The following RBMS3 variants were observed in gnomAD, a reference collection of about 807,000 sequenced individuals.
RBMS3 encodes the protein RNA binding motif single stranded interacting protein 3.
In RBMS3, 27 loss-of-function variants were observed where a neutral mutation model predicts 66.8. The observed-to-expected ratio is 0.40, with a 90% CI of 0.30 to 0.56. RBMS3 has a LOEUF of 0.56. Among genes scored for constraint, RBMS3 ranks in the 20% least tolerant of loss-of-function variants. The pLI, the probability that RBMS3 is intolerant of heterozygous loss-of-function variation, is 0.40. For missense variants in RBMS3, 513 were observed against 549.5 expected (o/e 0.93, Z 0.66); for synonymous variants, 188 against 183.0 (o/e 1.03, Z -0.22).
At chr3:29,966,451 A>ATT (rs975704062) in intron 12 of RBMS3, among the ~76,000 whole-genome samples, 1 of 151,618 alleles carries the variant, frequency 6.6e-6, no homozygotes, top group African/African-American at 2.4e-5. Flanking sequence ...ATTCCTAAGT[A>ATT]TTTTTTTTCA....
chr3:29,814,479 G>A (rs2057820533), intron 6 of RBMS3, among the ~76,000 whole-genome samples: 1 of 152,240 alleles, frequency 6.6e-6, no homozygotes, highest in South Asian at 2.1e-4. Context: ...TTGGTATCAG[G>A]ATGATGCTGG....
At chr3:29,454,080 C>T (rs1367627314) in intron 2 of RBMS3, among the ~76,000 whole-genome samples, 3 of 152,200 alleles carry the variant, frequency 2.0e-5, no homozygotes, top group Non-Finnish European at 4.4e-5. Context: ...GGCATTTCAA[C>T]TCCCTTTTTC....
At chr3:29,482,731 G>A (rs1176880004) in intron 2 of RBMS3, among the ~76,000 whole-genome samples, 2 of 81,664 alleles carry the variant, frequency 2.4e-5, no homozygotes, top group African/African-American at 5.0e-5. Flanking sequence ...TTTTTGAGAC[G>A]GAGTGTCGCT....
At chr3:29,709,371 T>G (rs2053054713) in intron 4 of RBMS3, among the ~76,000 whole-genome samples, 2 of 152,174 alleles carry the variant, frequency 1.3e-5, no homozygotes, top group Admixed American at 6.5e-5. Context: ...CGTGAATGAG[T>G]CTAAGAAAAG....
intron 1 of RBMS3, among the ~76,000 whole-genome samples, chr3:29,351,775 A>G (rs115546906): frequency 6.6e-6 from 1 of 152,130 alleles, no homozygotes; most frequent in African/African-American, 2.4e-5. Flanking sequence ...TTTGATGTCT[A>G]CTTAAACACC....
intron 6 of RBMS3, among the ~76,000 whole-genome samples, chr3:29,807,518 T>A (rs2057594715): frequency 6.6e-6 from 1 of 151,926 alleles, no homozygotes; most frequent in Admixed American, 6.6e-5. Flanking sequence ...CAGATATTTG[T>A]ACAAAGATAT....
At chr3:29,947,127 A>G (rs975788926) in intron 12 of RBMS3, among the ~76,000 whole-genome samples, 2 of 151,604 alleles carry the variant, frequency 1.3e-5, no homozygotes, top group Non-Finnish European at 3.0e-5. Flanking sequence ...AATGTATTTT[A>G]CTAACTACAA....
chr3:29,401,642 G>A (rs753692977), intron 1 of RBMS3, among the ~76,000 whole-genome samples: 1 of 152,066 alleles, frequency 6.6e-6, no homozygotes, highest in Non-Finnish European at 1.5e-5. Context: ...TCATAAAGGA[G>A]CATGGGCATA....
rs71091081 is a variant in RBMS3, at chr3:29,853,423, C to CTTTTTTTTTTTTTTTTTTTTTTTTTTTTT, written c.638-15413_638-15412insTTTTTTTTTTTTTTTTTTTTTTTTTTTTT. On this transcript the variant is annotated intron_variant, in intron 6 of 14. Transcript: ENST00000383767. ...TGTATCTTAAGCTACAATTTACTTT[C>CTTTTTTTTTTTTTTTTTTTTTTTTTTTTT]TTTTTTTTTTTTTTTTTTTTTTGCA... is the stretch of plus-strand genomic sequence containing the variant. 1.2e-4 allele frequency among the ~76,000 whole-genome samples: 10 copies of CTTTTTTTTTTTTTTTTTTTTTTTTTTTTT among 84,526 alleles called. 1 individual carries two copies. Among genetic ancestry groups the CTTTTTTTTTTTTTTTTTTTTTTTTTTTTT allele is most frequent in the African/African-American group, 4.9e-4 (9 of 18,406 alleles). The allele number at this position is 84,526 out of a possible 152,430, so 55.5% of individuals were successfully genotyped here. A position where few individuals can be genotyped will look rare whatever the true frequency, so the allele number is the denominator to read the frequency against.
intron 6 of RBMS3, among the ~76,000 whole-genome samples, chr3:29,827,618 T>C (rs961660508): frequency 2.0e-5 from 3 of 152,182 alleles, no homozygotes; most frequent in Non-Finnish European, 1.5e-5. Context: ...AATCAGAGAC[T>C]GTCCCTCAAT....
chr3:29,711,281 A>G (rs2149306364), intron 4 of RBMS3, among the ~76,000 whole-genome samples: 1 of 152,306 alleles, frequency 6.6e-6, no homozygotes, highest in Middle Eastern at 3.4e-3. Context: ...ATCACAGATA[A>G]GAGGAGACTA....
At chr3:29,936,404 T>C (rs2149689215) in intron 11 of RBMS3, among the ~76,000 whole-genome samples, 1 of 152,236 alleles carries the variant, frequency 6.6e-6, no homozygotes, top group South Asian at 2.1e-4. Context: ...AAAGTTCTAT[T>C]GTGTCATTCA....
chr3:29,549,544 C>T (rs555559380), intron 3 of RBMS3, among the ~76,000 whole-genome samples: 60 of 151,902 alleles, frequency 3.9e-4, no homozygotes, highest in African/African-American at 1.4e-3. Flanking sequence ...AGACTATAGG[C>T]GCCCACCACC....
At chr3:29,888,842 G>A (rs995045732) in intron 8 of RBMS3, among the ~76,000 whole-genome samples, 1 of 151,624 alleles carries the variant, frequency 6.6e-6, no homozygotes, top group Non-Finnish European at 1.5e-5. Flanking sequence ...ATTAAGATGT[G>A]CAATCTGTAT....
chr3:29,606,011 T>C (rs1187629466), intron 4 of RBMS3, among the ~76,000 whole-genome samples: 1 of 151,410 alleles, frequency 6.6e-6, no homozygotes, highest in Non-Finnish European at 1.5e-5. Context: ...TATATATATC[T>C]TATGAGTTAT....
intron 4 of RBMS3, among the ~76,000 whole-genome samples, chr3:29,682,342 G>T (rs2051533661): frequency 6.6e-6 from 1 of 152,176 alleles, no homozygotes; most frequent in Non-Finnish European, 1.5e-5. Context: ...TTTTAGTAGA[G>T]ACGGGTTTCA....
chr3:29,906,011 A>G (rs1217370280), intron 10 of RBMS3, among the ~76,000 whole-genome samples: 1 of 152,106 alleles, frequency 6.6e-6, no homozygotes, highest in Non-Finnish European at 1.5e-5. Flanking sequence ...TTATATATTG[A>G]CTTATGGGAA....
At chr3:29,509,402 G>A (rs1000909973) in intron 3 of RBMS3, among the ~76,000 whole-genome samples, 3 of 152,090 alleles carry the variant, frequency 2.0e-5, no homozygotes, top group African/African-American at 7.2e-5. Context: ...TATTCTAAGA[G>A]TTTTACATAT....
chr3:29,471,320 C>T (rs1435051920), intron 2 of RBMS3, among the ~76,000 whole-genome samples: 3 of 152,076 alleles, frequency 2.0e-5, no homozygotes, highest in Non-Finnish European at 4.4e-5. Flanking sequence ...AAGAGAATTT[C>T]ATTTTTATGG....
Sources: gnomAD v4.1 joint callset for allele counts (sites outside exome capture counted in the v4.1 genomes callset) on GRCh38, gnomAD v4.1.1 for gene constraint, MANE v1.5 for transcripts, NCBI Gene and HGNC (gene_info 2026-07-23, HGNC 2026-07-21) for gene names.